TRIM33: variants seen among roughly 807,000 people sequenced by gnomAD.
TRIM33 encodes tripartite motif containing 33, also known as E3 ubiquitin-protein ligase TRIM33.
In TRIM33, 20 loss-of-function variants were observed where a neutral mutation model predicts 125.4. The observed-to-expected ratio is 0.16, with a 90% CI of 0.11 to 0.23. The LOEUF (loss-of-function observed/expected upper bound fraction) is 0.23, where lower values mean the gene tolerates loss of function less well. TRIM33 is among the 10% of genes least tolerant of loss of function. TRIM33 has a pLI of 1.00. For synonymous variants in TRIM33, 564 were observed against 513.9 expected, an observed-to-expected ratio of 1.10 and a Z score of -1.32; for missense variants, 920 against 1,411.4, an observed-to-expected ratio of 0.65 and a Z score of 5.58.
chr1:114,410,253 G>A lies in TRIM33; in HGVS notation c.2125C>T (p.Leu709=). ...ATGGTGCTTGTAGGCTGTGGGGGTA[G>A]GTGACTGCCTGAGATGTATCTACTT... The part of the protein sequence containing the change: ...LLSRYISGSH[L]PPQPTSTMNP... Residue 709 remains leucine, a synonymous_variant, in exon 12 of 20, where the codon CTA becomes TTA. Transcript: ENST00000358465. The A allele has an allele frequency of 5.0e-6, 8 of 1,613,956 alleles. No homozygotes were observed. The highest frequency in any genetic ancestry group is 6.8e-6 in the Non-Finnish European group (8 of 1,179,904).
rs748932398 is a variant in TRIM33, at chr1:114,401,365, G to A, written c.2967+24C>T. The A allele has an allele frequency of 2.4e-5, 39 of 1,600,152 alleles. 1 individual carries two copies. The Admixed American group carries it at 5.0e-4, about 21-fold the overall frequency. Reference sequence around the variant, plus strand: ...TTAAGTATTATGAGACTTCCCCACCGAGCTACTAAGGTAGGCAACTCACCG... The same window carrying A: ...TTAAGTATTATGAGACTTCCCCACCAAGCTACTAAGGTAGGCAACTCACCG... On this transcript the variant is annotated intron_variant, in intron 17 of 19. Transcript: ENST00000358465.
intron 4 of TRIM33, among the ~76,000 whole-genome samples, chr1:114,442,300 T>G (rs1446525899): frequency 6.6e-6 from 1 of 152,134 alleles, no homozygotes; most frequent in Non-Finnish European, 1.5e-5. Flanking sequence ...TAGCTCTGAA[T>G]CTAGCTCCCT....
At chr1:114,420,341 A>AC in intron 11 of TRIM33, 1 of 1,204,522 alleles carries the variant, frequency 8.3e-7, no homozygotes, top group Non-Finnish European at 1.1e-6. Context: ...CCAACTGACT[A>AC]CCCCTTTGGA....
chr1:114,442,092 G>A (rs568210984), intron 4 of TRIM33, among the ~76,000 whole-genome samples: 6 of 152,156 alleles, frequency 3.9e-5, no homozygotes, highest in South Asian at 4.1e-4. Flanking sequence ...CAAGGACAGA[G>A]CACATTTTTT....
chr1:114,427,716 T>C (rs1362014313), intron 7 of TRIM33, 32 bp downstream of exon 7: 2 of 1,596,578 alleles, frequency 1.3e-6, no homozygotes, highest in Non-Finnish European at 1.7e-6. Context: ...ATAAAGTCCA[T>C]TAAAGAAAAA....
At chr1:114,482,672 G>A (rs1265627830) in intron 1 of TRIM33, among the ~76,000 whole-genome samples, 4 of 152,140 alleles carry the variant, frequency 2.6e-5, no homozygotes, top group Non-Finnish European at 5.9e-5. Context: ...GCCCCGGTGG[G>A]AGGTGATTGG....
chr1:114,463,482 T>A lies in TRIM33; in HGVS notation c.720A>T (p.Thr240=). ...TTACTCTTTGATGTGCTTCGATACA[T>A]GTCTTACATAGCCACTCTCCACATT... The part of the protein sequence containing the change: ...CVECGEWLCK[T]CIEAHQRVKF... Residue 240 remains threonine, a synonymous_variant, in exon 3 of 20, where the codon ACA becomes ACT. Transcript: ENST00000358465. 6.2e-7 allele frequency: 1 copy of A among 1,612,442 alleles called. No homozygotes were observed. Among genetic ancestry groups the A allele is most frequent in the Non-Finnish European group, 8.5e-7 (1 of 1,178,574 alleles).
chr1:114,462,509 G>C (rs1438644996), intron 4 of TRIM33, among the ~76,000 whole-genome samples: 1 of 152,172 alleles, frequency 6.6e-6, no homozygotes, highest in Non-Finnish European at 1.5e-5. Context: ...AGATGCCATG[G>C]AAGCTGGAGA....
intron 4 of TRIM33, among the ~76,000 whole-genome samples, chr1:114,449,294 A>G (rs888587176): frequency 6.6e-6 from 1 of 152,198 alleles, no homozygotes; most frequent in Admixed American, 6.5e-5. Context: ...TAAAGCAAAG[A>G]AAAGGATCAA....
intron 1 of TRIM33, among the ~76,000 whole-genome samples, chr1:114,507,667 A>G (rs1653078906): frequency 6.6e-6 from 1 of 152,244 alleles, no homozygotes; most frequent in Admixed American, 6.5e-5. Context: ...CAAAAACAGT[A>G]TGAACTTCCT....
At chr1:114,437,509 T>C (rs559870270) in intron 4 of TRIM33, among the ~76,000 whole-genome samples, 1 of 152,236 alleles carries the variant, frequency 6.6e-6, no homozygotes, top group African/African-American at 2.4e-5. Context: ...CAGCTAATTT[T>C]TGTATTTTTA....
chr1:114,400,717 G>A (rs955712924), intron 17 of TRIM33, among the ~76,000 whole-genome samples: 1 of 152,052 alleles, frequency 6.6e-6, no homozygotes, highest in Non-Finnish European at 1.5e-5. Context: ...TCTCTAACAG[G>A]CCTGGTATGT....
At chr1:114,401,808 A>T (rs1557841417) in intron 16 of TRIM33, among the ~76,000 whole-genome samples, 1 of 152,204 alleles carries the variant, frequency 6.6e-6, no homozygotes, top group Non-Finnish European at 1.5e-5. Flanking sequence ...TCCTCATGGT[A>T]ATTCCTTAGA....
chr1:114,460,567 C>T (rs1021497395), intron 4 of TRIM33, among the ~76,000 whole-genome samples: 6 of 144,904 alleles, frequency 4.1e-5, no homozygotes, highest in East Asian at 2.1e-4. Flanking sequence ...TAACACCCCC[C>T]GCCACCTTTT....
At chr1:114,480,513 C>G (rs1435698297) in intron 1 of TRIM33, among the ~76,000 whole-genome samples, 3 of 101,826 alleles carry the variant, frequency 2.9e-5, no homozygotes, top group African/African-American at 1.8e-4. Flanking sequence ...AAAGGCCCTG[C>G]CCCGCCTTAA....
intron 1 of TRIM33, among the ~76,000 whole-genome samples, chr1:114,475,785 A>T (rs1480068111): frequency 6.6e-6 from 1 of 152,172 alleles, no homozygotes; most frequent in Admixed American, 6.6e-5. Context: ...CAAAAACAAC[A>T]ACTAAATAAA....
chr1:114,485,133 GCAGA>G (rs1651597623), intron 1 of TRIM33, among the ~76,000 whole-genome samples: 1 of 152,152 alleles, frequency 6.6e-6, no homozygotes, highest in African/African-American at 2.4e-5. Flanking sequence ...ACACTGCCTT[GCAGA>G]GAATAGGAAT....
At chr1:114,507,926 G>T (rs1166359267) in intron 1 of TRIM33, among the ~76,000 whole-genome samples, 3 of 152,138 alleles carry the variant, frequency 2.0e-5, no homozygotes, top group Non-Finnish European at 4.4e-5. Context: ...AGACCAGTCT[G>T]ACCAGTATGG....
Position 114,433,730 on chromosome 1 carries a change from A to G in TRIM33, c.927T>C (p.Tyr309=), listed in dbSNP as rs766295247. 3 of 1,589,496 alleles carry G rather than the reference A, an allele frequency of 1.9e-6. No individual in the cohort carries two copies. The highest frequency in any genetic ancestry group is 1.1e-5 in the South Asian group (1 of 87,968). ...TTTGAAAAGCTTCTTCCAAAAACTG[A>G]TACCTTAAAACCAAAACAAAACTAC... is the stretch of plus-strand genomic sequence containing the variant. ...CQLLEHKEHR[Y]QFLEEAFQNQ... The change falls in exon 5 of 20, where the codon TAT becomes TAC. Residue 309 remains tyrosine, a synonymous_variant. Transcript: ENST00000358465.
Sources: allele counts gnomAD v4.1 joint callset (sites outside exome capture counted in the v4.1 genomes callset), GRCh38; gene constraint gnomAD v4.1.1; transcripts MANE v1.5; gene names NCBI Gene and HGNC (gene_info 2026-07-23, HGNC 2026-07-21).